NEK6: variants seen among roughly 807,000 people sequenced by gnomAD.
NEK6 encodes serine/threonine-protein kinase Nek6.
NEK6 carries 27 observed loss-of-function variants against 43.5 expected under a neutral mutation model. That is an observed-to-expected ratio of 0.62 (90% CI 0.46 to 0.86). The LOEUF (loss-of-function observed/expected upper bound fraction) is 0.86, where lower values mean the gene tolerates loss of function less well. Among genes scored for constraint, NEK6 ranks in the 40% least tolerant of loss-of-function variants. The pLI is 0.00. For synonymous variants in NEK6, 167 were observed against 164.1 expected (o/e 1.02, Z -0.14); for missense variants, 318 against 414.4 (o/e 0.77, Z 2.02).
In NEK6 at chr9:124,350,914, C is replaced by T; in HGVS notation, c.909C>T (p.Ala303=). The change falls in exon 10 of 10, where the codon GCC becomes GCT. Residue 303 remains alanine, a synonymous_variant. Transcript: ENST00000320246. ...ACATCGGATACGTGCACCAGGTGGC[C>T]AAGCAGATGCACATCTGGATGTCCA... ...RPDIGYVHQV[A]KQMHIWMSST is the part of the protein sequence containing the mutation. 1.2e-6 allele frequency: 2 copies of T among 1,610,772 alleles called. No homozygotes were observed. Among genetic ancestry groups the T allele is most frequent in the South Asian group, 1.1e-5 (1 of 91,070 alleles).
intron 1 of NEK6, among the ~76,000 whole-genome samples, chr9:124,267,057 T>C (rs1831258989): frequency 6.6e-6 from 1 of 152,248 alleles, no homozygotes; most frequent in Non-Finnish European, 1.5e-5. Flanking sequence ...GTCTTAAAGC[T>C]GCATTTTCTA....
In NEK6 at chr9:124,326,202, T is replaced by TTCCCCCCCCCC; in HGVS notation, c.406-128_406-127insTCCCCCCCCCC. 8.1e-6 allele frequency: 1 copy of TTCCCCCCCCCC among 124,052 alleles called. No individual in the cohort carries two copies. The highest frequency in any genetic ancestry group is 2.0e-5 in the Non-Finnish European group (1 of 50,618). The allele number at this position is 124,052 out of a possible 1,614,324, so 7.7% of individuals were successfully genotyped here. On this transcript the variant is annotated intron_variant, in intron 5 of 9. Coordinates refer to ENST00000320246, the MANE Select transcript of NEK6 (RefSeq NM_014397.6). The surrounding 1 kb of genome is among the most constrained non-coding windows in gnomAD (Gnocchi z 4.5). ...GCTTATTGTTTGCTCAGTGGCTCAA[T>TTCCCCCCCCCC]CCCCCCCCCCCGCCCCTGCCAGGCA...
intron 1 of NEK6, among the ~76,000 whole-genome samples, chr9:124,273,038 GAGA>G (rs1309770203): frequency 2.0e-5 from 3 of 152,316 alleles, no homozygotes; most frequent in Non-Finnish European, 4.4e-5. Context: ...GAGCTCTGCA[GAGA>G]AGAATAGAGA....
chr9:124,341,396 CCCCTTCT>C (rs1829617084), intron 8 of NEK6, among the ~76,000 whole-genome samples: 1 of 145,906 alleles, frequency 6.9e-6, no homozygotes, highest in Non-Finnish European at 1.5e-5. Context: ...GAGGGTGGGA[CCCCTTCT>C]CCCAGGGCTC....
chr9:124,340,577 C>T (rs1040407208), intron 8 of NEK6, among the ~76,000 whole-genome samples: 1 of 152,164 alleles, frequency 6.6e-6, no homozygotes, highest in Admixed American at 6.5e-5. Flanking sequence ...GCTCTGGAAA[C>T]CCCCCCAGGC....
intron 1 of NEK6, chr9:124,265,547 G>A (rs1372829808): frequency 1.3e-5 from 2 of 151,864 alleles, no homozygotes; most frequent in African/African-American, 4.8e-5. Context: ...AGTTTGTCTT[G>A]CTTTAAAAAA....
chr9:124,261,435 A>G (rs1831026406), intron 1 of NEK6: 1 of 985,462 alleles, frequency 1.0e-6, no homozygotes, highest in Non-Finnish European at 1.2e-6. Context: ...GAATCATCCA[A>G]GATTAAATAC....
chr9:124,330,839 A>G lies in NEK6; in HGVS notation c.622+3394A>G, dbSNP rs532330298. 3.6e-4 allele frequency among the ~76,000 whole-genome samples: 55 copies of G among 152,198 alleles called. 1 individual carries two copies. Among genetic ancestry groups the G allele is most frequent in the African/African-American group, 1.3e-3 (54 of 41,536 alleles). On this transcript the variant is annotated intron_variant, in intron 7 of 9. Transcript: ENST00000320246. Reference sequence around the variant, plus strand: ...GGCAGGCGTGGGGCTCTGTGATTCTATACAGAGCCCCAGGGAGCCCAGGGT... The same window carrying G: ...GGCAGGCGTGGGGCTCTGTGATTCTGTACAGAGCCCCAGGGAGCCCAGGGT...
chr9:124,291,813 C>T (rs993730478), intron 1 of NEK6: 35 of 985,214 alleles, frequency 3.6e-5, no homozygotes, highest in Non-Finnish European at 4.0e-5. Flanking sequence ...AAGCAGGGGG[C>T]TCCGTGGCGG....
In NEK6 at chr9:124,353,051, C is replaced by T. The variant is rs1193910344; in HGVS notation, c.*2104C>T. 1 of 153,284 alleles carries T rather than the reference C, an allele frequency of 6.5e-6. No individual in the cohort carries two copies. Among genetic ancestry groups the T allele is most frequent in the Admixed American group, 6.5e-5 (1 of 15,328 alleles). The allele number at this position is 153,284 out of a possible 1,614,324, so 9.5% of individuals were successfully genotyped here. A position where few individuals can be genotyped will look rare whatever the true frequency, so the allele number is the denominator to read the frequency against. ...GTGAAACCGGCCAAAGTGAGGTCCA[C>T]CCACCTTCACACAGCTCTGGCGGTG... On this transcript the variant is annotated 3_prime_UTR_variant, in exon 10 of 10. Coordinates refer to ENST00000320246, the MANE Select transcript of NEK6 (RefSeq NM_014397.6).
At chr9:124,262,193 A>G (rs1262202571) in intron 1 of NEK6, among the ~76,000 whole-genome samples, 3 of 152,172 alleles carry the variant, frequency 2.0e-5, no homozygotes, top group Non-Finnish European at 4.4e-5. Flanking sequence ...GGGTAATGGC[A>G]AGATAACTTT....
At chr9:124,280,433 A>G (rs749466478) in intron 1 of NEK6, among the ~76,000 whole-genome samples, 1 of 152,250 alleles carries the variant, frequency 6.6e-6, no homozygotes, top group Non-Finnish European at 1.5e-5. Context: ...CGAGCACTCC[A>G]GGAGAGGGTA....
chr9:124,341,694 C>G (rs531687118), intron 8 of NEK6, among the ~76,000 whole-genome samples: 11 of 152,192 alleles, frequency 7.2e-5, no homozygotes, highest in Admixed American at 4.6e-4. Context: ...CACAGCCCAG[C>G]TCCTGGGTGG....
At chr9:124,301,016 G>A (rs1832945662) in intron 1 of NEK6, among the ~76,000 whole-genome samples, 1 of 152,246 alleles carries the variant, frequency 6.6e-6, no homozygotes, top group African/African-American at 2.4e-5. Context: ...CCATGTGGGA[G>A]CCCTGGCACA....
chr9:124,299,738 C>T (rs1192503375), intron 1 of NEK6, among the ~76,000 whole-genome samples: 1 of 152,110 alleles, frequency 6.6e-6, no homozygotes, highest in African/African-American at 2.4e-5. Context: ...TCTGACAGTG[C>T]TCTGTGTGCA....
At chr9:124,281,928 C>T (rs1454839718) in intron 1 of NEK6, among the ~76,000 whole-genome samples, 9 of 152,312 alleles carry the variant, frequency 5.9e-5, no homozygotes, top group Admixed American at 2.6e-4. Flanking sequence ...CCTCCAGGCC[C>T]GGAAGCCATT....
At chr9:124,316,473 C>T (rs1833823206) in intron 4 of NEK6, among the ~76,000 whole-genome samples, 1 of 152,182 alleles carries the variant, frequency 6.6e-6, no homozygotes, top group African/African-American at 2.4e-5. Flanking sequence ...TCTCAGCTCT[C>T]CCTCCCTTCC....
At chr9:124,274,455 A>G (rs566162518) in intron 1 of NEK6, among the ~76,000 whole-genome samples, 1 of 152,364 alleles carries the variant, frequency 6.6e-6, no homozygotes, top group Admixed American at 6.5e-5. Flanking sequence ...CAGAGAGTGT[A>G]GACACTTGCT....
chr9:124,327,483 G>T, intron 7 of NEK6, 38 bp downstream of exon 7: 3 of 1,527,366 alleles, frequency 2.0e-6, no homozygotes, highest in Non-Finnish European at 2.7e-6. Flanking sequence ...AGCCCCCAGC[G>T]GTCCTGGTGA....
Sources: allele counts gnomAD v4.1 joint callset (sites outside exome capture counted in the v4.1 genomes callset), GRCh38; gene constraint gnomAD v4.1.1; non-coding constraint Gnocchi (gnomAD v3.1); transcripts MANE v1.5; gene names NCBI Gene and HGNC (gene_info 2026-07-23, HGNC 2026-07-21).